The following CSMD1 variants were observed in gnomAD, a reference collection of about 807,000 sequenced individuals.
The protein encoded by CSMD1 is CUB and sushi domain-containing protein 1.
CSMD1 carries 213 observed loss-of-function variants against 417.5 expected under a neutral mutation model. That is an observed-to-expected ratio of 0.51 (90% confidence interval 0.46 to 0.57). CSMD1 has a LOEUF of 0.57. Ranked by LOEUF, CSMD1 falls within the 20% of genes least tolerant of loss-of-function variation. CSMD1 has a pLI of 0.00. For missense variants in CSMD1, 6,923 were observed against 4,529.7 expected (o/e 1.53, Z -15.17); for synonymous variants, 2,862 against 1,736.8 (o/e 1.65, Z -16.11).
chr8:3,599,293 G>A (rs926758695), intron 8 of CSMD1, among the ~76,000 whole-genome samples: 1 of 148,560 alleles, frequency 6.7e-6, no homozygotes, highest in Admixed American at 6.7e-5. Flanking sequence ...ACGTGTGTAT[G>A]TGTGGGTGCT....
At chr8:4,082,400 A>G (rs1800185672) in intron 3 of CSMD1, among the ~76,000 whole-genome samples, 1 of 152,208 alleles carries the variant, frequency 6.6e-6, no homozygotes, top group South Asian at 2.1e-4. Context: ...AAAAACAACT[A>G]CAACAAAACC....
chr8:3,993,080 A>T (rs1009818419), intron 5 of CSMD1, among the ~76,000 whole-genome samples: 1 of 152,240 alleles, frequency 6.6e-6, no homozygotes, highest in African/African-American at 2.4e-5. Flanking sequence ...GAGGAAATCA[A>T]ACAGAGTCTG....
intron 2 of CSMD1, among the ~76,000 whole-genome samples, chr8:4,631,036 T>C (rs1455013029): frequency 3.9e-5 from 6 of 152,080 alleles, no homozygotes; most frequent in Non-Finnish European, 8.8e-5. Context: ...TGATTATCAA[T>C]CTTAACCAGA....
intron 3 of CSMD1, among the ~76,000 whole-genome samples, chr8:4,196,899 T>A (rs1448947244): frequency 6.6e-6 from 1 of 152,214 alleles, no homozygotes. Context: ...TTCATTAAAT[T>A]CCCACATTTC....
intron 7 of CSMD1, among the ~76,000 whole-genome samples, chr8:3,619,203 A>C (rs1802296016): frequency 6.6e-6 from 1 of 152,142 alleles, no homozygotes. Context: ...ATAAAAACAA[A>C]AATACAGCAA....
intron 3 of CSMD1, among the ~76,000 whole-genome samples, chr8:4,300,083 G>A (rs1053399374): frequency 2.6e-5 from 4 of 152,180 alleles, no homozygotes; most frequent in Non-Finnish European, 4.4e-5. Flanking sequence ...TCTGGATTTA[G>A]GATTTGATTT....
At chr8:3,131,121 C>G (rs1049759374) in intron 41 of CSMD1, among the ~76,000 whole-genome samples, 1 of 152,084 alleles carries the variant, frequency 6.6e-6, no homozygotes, top group African/African-American at 2.4e-5. Flanking sequence ...CATAAGATTA[C>G]AAAGGAAACC....
intron 7 of CSMD1, chr8:3,702,228 A>C (rs1424508732): frequency 6.6e-6 from 1 of 152,214 alleles, no homozygotes; most frequent in Non-Finnish European, 1.5e-5. Context: ...AAAGTGTTGT[A>C]ACTGCAAATG....
chr8:3,321,222 G>A (rs575508135), intron 23 of CSMD1, among the ~76,000 whole-genome samples: 1 of 152,206 alleles, frequency 6.6e-6, no homozygotes, highest in South Asian at 2.1e-4. Flanking sequence ...CAAGATTGCT[G>A]TTGTTGCTGA....
intron 2 of CSMD1, among the ~76,000 whole-genome samples, chr8:4,427,541 A>G (rs1015532639): frequency 6.6e-6 from 1 of 152,018 alleles, no homozygotes; most frequent in Non-Finnish European, 1.5e-5. Flanking sequence ...ACAGTGAATC[A>G]TGTGAGTATA....
chr8:4,747,431 G>C (rs541096116), intron 1 of CSMD1, among the ~76,000 whole-genome samples: 75 of 152,234 alleles, frequency 4.9e-4, no homozygotes, highest in African/African-American at 1.8e-3. Flanking sequence ...TGTGTTAAAA[G>C]GTGGTACTTA....
At chr8:3,256,615 T>A (rs915060266) in intron 26 of CSMD1, among the ~76,000 whole-genome samples, 1 of 152,218 alleles carries the variant, frequency 6.6e-6, no homozygotes, top group African/African-American at 2.4e-5. Flanking sequence ...TTCTTACTTT[T>A]GACTCTGAAT....
chr8:4,609,372 G>C (rs959419335), intron 2 of CSMD1, among the ~76,000 whole-genome samples: 1 of 152,178 alleles, frequency 6.6e-6, no homozygotes, highest in East Asian at 1.9e-4. Context: ...CTGCACTCCA[G>C]CCTGGGTGAC....
chr8:3,720,633 A>T (rs1460039738), intron 6 of CSMD1, among the ~76,000 whole-genome samples: 1 of 151,480 alleles, frequency 6.6e-6, no homozygotes, highest in Non-Finnish European at 1.5e-5. Flanking sequence ...ACACACACAC[A>T]CACACACACA....
chr8:4,071,428 T>G (rs1310925190), intron 3 of CSMD1, among the ~76,000 whole-genome samples: 2 of 152,208 alleles, frequency 1.3e-5, no homozygotes, highest in South Asian at 2.1e-4. Flanking sequence ...GATATTTAAT[T>G]ATTCATTTGA....
intron 2 of CSMD1, among the ~76,000 whole-genome samples, chr8:4,441,260 G>GTTTTTT (rs34935169): frequency 4.5e-5 from 3 of 67,002 alleles, no homozygotes; most frequent in African/African-American, 1.2e-4. Flanking sequence ...ACTACACTCA[G>GTTTTTT]TTTTTTTTTT....
chr8:3,909,080 T>C (rs559300624), intron 5 of CSMD1, among the ~76,000 whole-genome samples: 3 of 152,324 alleles, frequency 2.0e-5, no homozygotes, highest in South Asian at 4.1e-4. Context: ...TGGAGAATTC[T>C]AGTGAACAAG....
chr8:3,532,765 A>G (rs1173436995), intron 10 of CSMD1, among the ~76,000 whole-genome samples: 1 of 152,252 alleles, frequency 6.6e-6, no homozygotes, highest in African/African-American at 2.4e-5. Flanking sequence ...AGACAACATA[A>G]TAATGGTGAA....
intron 4 of CSMD1, among the ~76,000 whole-genome samples, chr8:4,002,291 T>C (rs1381302037): frequency 6.6e-6 from 1 of 152,162 alleles, no homozygotes; most frequent in African/African-American, 2.4e-5. Flanking sequence ...GCTATAGTGC[T>C]GTAAGTACTT....
Sources: allele counts gnomAD v4.1 joint callset (sites outside exome capture counted in the v4.1 genomes callset), GRCh38; gene constraint gnomAD v4.1.1; transcripts MANE v1.5; gene names NCBI Gene and HGNC (gene_info 2026-07-23, HGNC 2026-07-21).